The following PRICKLE2 variants were observed in gnomAD, a reference collection of about 807,000 sequenced individuals.
PRICKLE2 encodes the protein prickle-like protein 2.
In PRICKLE2, 21 loss-of-function variants were observed where a neutral mutation model predicts 81.4. The ratio of observed to expected loss-of-function variants is 0.26; its 90% CI spans 0.18 to 0.37. PRICKLE2 has a LOEUF of 0.37. Ranked by LOEUF, PRICKLE2 falls within the 10% of genes least tolerant of loss-of-function variation. PRICKLE2 has a pLI of 1.00. For missense variants in PRICKLE2, 940 were observed against 1,109.0 expected (o/e 0.85, Z 2.16); for synonymous variants, 456 against 421.5 (o/e 1.08, Z -1.00).
chr3:64,201,227 C>T (rs1421843241), intron 1 of PRICKLE2, among the ~76,000 whole-genome samples: 1 of 152,118 alleles, frequency 6.6e-6, no homozygotes, highest in African/African-American at 2.4e-5. Context: ...CCACGCCTGG[C>T]CAAAGTTTTT....
chr3:64,249,170 C>T (rs58802492), intron 2 of PRICKLE2, among the ~76,000 whole-genome samples: 1,666 of 152,208 alleles, frequency 0.011, 30 homozygotes, highest in African/African-American at 0.037. Flanking sequence ...ACTGGGAAAC[C>T]TCGGGAAACT....
At chr3:64,195,864 G>A (rs1298184805) in intron 2 of PRICKLE2, among the ~76,000 whole-genome samples, 1 of 152,174 alleles carries the variant, frequency 6.6e-6, no homozygotes, top group South Asian at 2.1e-4. Flanking sequence ...TCTCTCTGCA[G>A]AGCTATTTCC....
chr3:64,133,391 G>T (rs994172454), intron 7 of PRICKLE2, among the ~76,000 whole-genome samples: 1 of 152,144 alleles, frequency 6.6e-6, no homozygotes, highest in African/African-American at 2.4e-5. Flanking sequence ...CAGATCTGCA[G>T]CCAAGGGCCT....
intron 1 of PRICKLE2, among the ~76,000 whole-genome samples, chr3:64,219,587 A>G (rs1375893551): frequency 6.6e-6 from 1 of 152,180 alleles, no homozygotes; most frequent in Non-Finnish European, 1.5e-5. Flanking sequence ...AGGTGAAGAC[A>G]CCCCTATGTT....
intron 2 of PRICKLE2, among the ~76,000 whole-genome samples, chr3:64,182,955 G>A (rs568534570): frequency 6.6e-6 from 1 of 151,880 alleles, no homozygotes; most frequent in East Asian, 1.9e-4. Context: ...AAATAAAGTG[G>A]TAGGAATGAT....
chr3:64,179,013 TTCTTTCTTTC>T (rs957622566), intron 2 of PRICKLE2, among the ~76,000 whole-genome samples: 2 of 150,080 alleles, frequency 1.3e-5, no homozygotes, highest in Non-Finnish European at 3.0e-5. Flanking sequence ...CTTTCTTTCT[TTCTTTCTTTC>T]TTTCTTTCTT....
intron 7 of PRICKLE2, chr3:64,104,798 A>G (rs953311571): frequency 2.0e-5 from 3 of 152,196 alleles, no homozygotes; most frequent in Admixed American, 6.5e-5. Context: ...CTCACTCTAG[A>G]GAGGAGAAAT....
At chr3:64,232,179 C>T (rs986224895) in intron 2 of PRICKLE2, among the ~76,000 whole-genome samples, 6 of 152,104 alleles carry the variant, frequency 3.9e-5, no homozygotes, top group Non-Finnish European at 7.4e-5. Flanking sequence ...TATGATGATC[C>T]ATCCTTGGTC....
chr3:64,155,678 C>T (rs558517258), intron 5 of PRICKLE2, among the ~76,000 whole-genome samples: 1 of 152,298 alleles, frequency 6.6e-6, no homozygotes, highest in East Asian at 1.9e-4. Context: ...ATACATACAA[C>T]TGAATATTAT....
intron 7 of PRICKLE2, among the ~76,000 whole-genome samples, chr3:64,127,946 G>T (rs1559525862): frequency 6.6e-6 from 1 of 152,116 alleles, no homozygotes; most frequent in Non-Finnish European, 1.5e-5. Context: ...CCCTTGAAAA[G>T]AGAGTGGGGC....
At chr3:64,149,693 GAGA>G (rs964038532) in intron 6 of PRICKLE2, among the ~76,000 whole-genome samples, 1 of 152,162 alleles carries the variant, frequency 6.6e-6, no homozygotes, top group Non-Finnish European at 1.5e-5. Context: ...AGAAATTAGG[GAGA>G]AGAAGAGAAT....
chr3:64,190,311 G>C (rs528334689), intron 2 of PRICKLE2: 1 of 152,108 alleles, frequency 6.6e-6, no homozygotes. Flanking sequence ...TAAGTGAGAA[G>C]CAACTTGTAA....
intron 2 of PRICKLE2, among the ~76,000 whole-genome samples, chr3:64,196,750 G>A (rs2078462024): frequency 6.6e-6 from 1 of 152,094 alleles, no homozygotes; most frequent in African/African-American, 2.4e-5. Flanking sequence ...GTGCCTGTAG[G>A]TTTCAGGAAG....
intron 2 of PRICKLE2, among the ~76,000 whole-genome samples, chr3:64,267,609 C>T (rs533613287): frequency 5.4e-4 from 81 of 150,994 alleles, no homozygotes; most frequent in African/African-American, 1.7e-3. Context: ...TTTCATGTTC[C>T]CTCTTAAGTA....
chr3:64,242,100 G>A (rs1407244370), intron 2 of PRICKLE2, among the ~76,000 whole-genome samples: 1 of 151,824 alleles, frequency 6.6e-6, no homozygotes, highest in African/African-American at 2.4e-5. Flanking sequence ...TCTCTTTTTT[G>A]CAAGCAGCTT....
intron 3 of PRICKLE2, 64 bp from the exon 4 acceptor site, chr3:64,160,141 A>C: frequency 6.4e-7 from 1 of 1,571,332 alleles, no homozygotes; most frequent in Non-Finnish European, 8.7e-7. Flanking sequence ...TCTGAAGCCC[A>C]TGACTCTGAG....
At chr3:64,189,485 G>C (rs957900878) in intron 2 of PRICKLE2, among the ~76,000 whole-genome samples, 2 of 152,148 alleles carry the variant, frequency 1.3e-5, no homozygotes, top group African/African-American at 4.8e-5. Flanking sequence ...ATGAGGAAGG[G>C]GTGGAGGAGG....
Position 64,094,577 on chromosome 3 carries a change from G to A in PRICKLE2, c.*4474C>T, listed in dbSNP as rs1335773937. The A allele has an allele frequency of 6.6e-6, 1 of 152,206 alleles. No individual in the cohort carries two copies. Among genetic ancestry groups the A allele is most frequent in the Admixed American group, 6.5e-5 (1 of 15,278 alleles). The allele number at this position is 152,206 out of a possible 1,614,324, so 9.4% of individuals were successfully genotyped here. The stretch of plus-strand genomic sequence containing the variant: ...AGGAAGTAAGCTTATAAAATAGTAT[G>A]GCTCCCAATAGTGAGTCATATTTTA... On this transcript the variant is annotated 3_prime_UTR_variant, in exon 8 of 8. Coordinates refer to ENST00000638394, the MANE Select transcript of PRICKLE2 (RefSeq NM_198859.4).
intron 2 of PRICKLE2, among the ~76,000 whole-genome samples, chr3:64,265,849 G>A (rs796433272): frequency 9.8e-5 from 15 of 152,314 alleles, no homozygotes; most frequent in African/African-American, 3.1e-4. Flanking sequence ...GAAGCCAAGA[G>A]TTTTTCCTGT....
Sources: allele counts gnomAD v4.1 joint callset (sites outside exome capture counted in the v4.1 genomes callset), GRCh38; gene constraint gnomAD v4.1.1; transcripts MANE v1.5; gene names NCBI Gene and HGNC (gene_info 2026-07-23, HGNC 2026-07-21).